CCDC192: variants seen among roughly 807,000 people sequenced by gnomAD.
The protein encoded by CCDC192 is coiled-coil domain containing 192.
At chr5:127,830,580 A>G (rs915047663) in intron 5 of CCDC192, among the ~76,000 whole-genome samples, 4 of 152,068 alleles carry the variant, frequency 2.6e-5, no homozygotes, top group Non-Finnish European at 5.9e-5. Flanking sequence ...CACTCTAAAG[A>G]TCTCATTTTA....
chr5:127,822,808 C>T (rs561615089), intron 5 of CCDC192, among the ~76,000 whole-genome samples: 10 of 152,294 alleles, frequency 6.6e-5, no homozygotes, highest in African/African-American at 2.4e-4. Flanking sequence ...AAATGGCCCT[C>T]AAGCGTGAAG....
chr5:127,755,176 G>A (rs977304466), intron 3 of CCDC192, among the ~76,000 whole-genome samples: 1 of 152,012 alleles, frequency 6.6e-6, no homozygotes, highest in Non-Finnish European at 1.5e-5. Context: ...TGTTAGAAAT[G>A]TTTATTAATT....
chr5:127,868,745 C>T (rs1351760762), intron 5 of CCDC192, among the ~76,000 whole-genome samples: 5 of 151,396 alleles, frequency 3.3e-5, no homozygotes, highest in African/African-American at 7.3e-5. Context: ...ATTTGCTGGG[C>T]GTGGCGGTGG....
intron 3 of CCDC192, chr5:127,786,743 A>G: frequency 2.8e-6 from 2 of 703,238 alleles, no homozygotes; most frequent in South Asian, 1.5e-5. Flanking sequence ...GCTTAAGAAG[A>G]CTTGTCAAGT....
At chr5:127,742,762 A>G (rs1429592464) in intron 2 of CCDC192, among the ~76,000 whole-genome samples, 2 of 152,216 alleles carry the variant, frequency 1.3e-5, no homozygotes, top group African/African-American at 4.8e-5. Flanking sequence ...CAAAGAAAGC[A>G]GAATGATTAT....
chr5:127,805,174 T>G (rs1393616503), intron 5 of CCDC192, among the ~76,000 whole-genome samples: 2 of 152,164 alleles, frequency 1.3e-5, no homozygotes, highest in Admixed American at 6.6e-5. Flanking sequence ...GTGACAGCAG[T>G]TAATCACACC....
intron 2 of CCDC192, among the ~76,000 whole-genome samples, chr5:127,738,574 G>C (rs1204530499): frequency 6.9e-6 from 1 of 145,744 alleles, no homozygotes; most frequent in Non-Finnish European, 1.5e-5. Flanking sequence ...ACACCAATCA[G>C]ACGTAGATTT....
intron 6 of CCDC192, among the ~76,000 whole-genome samples, chr5:127,913,188 T>C (rs1012664145): frequency 2.6e-5 from 4 of 152,184 alleles, no homozygotes; most frequent in Non-Finnish European, 5.9e-5. Flanking sequence ...TTATGATGCC[T>C]AGTCTACAGA....
chr5:127,896,051 A>G (rs558858051), intron 6 of CCDC192, among the ~76,000 whole-genome samples: 29 of 152,210 alleles, frequency 1.9e-4, no homozygotes, highest in Non-Finnish European at 3.7e-4. Flanking sequence ...CTTTTTGAAG[A>G]GATTCTGAAT....
chr5:127,926,367 A>C (rs1420107951), intron 6 of CCDC192, among the ~76,000 whole-genome samples: 1 of 152,178 alleles, frequency 6.6e-6, no homozygotes. Context: ...TATGGCTATT[A>C]TGTCTCCTAA....
chr5:127,864,090 T>C (rs972062981), intron 5 of CCDC192, among the ~76,000 whole-genome samples: 1 of 152,188 alleles, frequency 6.6e-6, no homozygotes, highest in Non-Finnish European at 1.5e-5. Flanking sequence ...TTTCAGGTCA[T>C]TGTCGCTCCC....
In CCDC192 at chr5:127,752,796, T is replaced by C. The variant is rs573882340; in HGVS notation, c.115-1472T>C. 1.3e-5 allele frequency among the ~76,000 whole-genome samples: 2 copies of C among 152,316 alleles called. 1 individual carries two copies. The highest frequency in any genetic ancestry group is 4.8e-5 in the African/African-American group (2 of 41,574). ...TGGGCGTAGGACCCTCTGAGCCAGG[T>C]GCGAGATATAATCTCGTGGTGCGCC... On this transcript the variant is annotated intron_variant, in intron 2 of 6. Transcript: ENST00000514853.
chr5:127,877,314 T>C (rs1263574710), intron 6 of CCDC192, among the ~76,000 whole-genome samples: 1 of 151,300 alleles, frequency 6.6e-6, no homozygotes, highest in Non-Finnish European at 1.5e-5. Context: ...AAACATTAAA[T>C]CTTACCCTTT....
Position 127,907,055 on chromosome 5 carries a change from G to T in CCDC192, c.535+31394G>T, listed in dbSNP as rs1013455009. On this transcript the variant is annotated intron_variant, in intron 6 of 6. Coordinates refer to ENST00000514853, the MANE Select transcript of CCDC192 (RefSeq NM_001317938.2). The stretch of plus-strand genomic sequence containing the variant: ...TTTGTTTGGTTGGGTTTTTTTTCAC[G>T]ATAGCCATCCTAACAGGTGTGAAGT... Among the ~76,000 whole-genome samples the T allele has an allele frequency of 5.3e-5, 8 of 151,538 alleles. No individual in the cohort carries two copies. In the South Asian group the frequency reaches 1.7e-3, roughly 32 times the overall value.
At chr5:127,784,762 G>A (rs1361819984) in intron 3 of CCDC192, 6 of 506,412 alleles carry the variant, frequency 1.2e-5, no homozygotes, top group South Asian at 9.8e-5. Context: ...CTAACTGCTG[G>A]TGTTTCAAAA....
intron 5 of CCDC192, among the ~76,000 whole-genome samples, chr5:127,854,117 T>C (rs1235306511): frequency 6.6e-6 from 1 of 152,200 alleles, no homozygotes; most frequent in Non-Finnish European, 1.5e-5. Flanking sequence ...AACACTCTCT[T>C]GATTCCTTCC....
At chr5:127,768,772 T>C (rs1352410420) in intron 3 of CCDC192, among the ~76,000 whole-genome samples, 1 of 152,248 alleles carries the variant, frequency 6.6e-6, no homozygotes, top group Admixed American at 6.5e-5. Context: ...AAGATTTTGT[T>C]GTTTGTTTAA....
chr5:127,841,355 A>G (rs1750277204), intron 5 of CCDC192, among the ~76,000 whole-genome samples: 1 of 152,196 alleles, frequency 6.6e-6, no homozygotes, highest in Admixed American at 6.5e-5. Flanking sequence ...CTCAGGGGAA[A>G]GATTCATCAA....
intron 5 of CCDC192, among the ~76,000 whole-genome samples, chr5:127,866,072 T>A (rs1751598537): frequency 6.6e-6 from 1 of 152,126 alleles, no homozygotes; most frequent in Admixed American, 6.5e-5. Context: ...GAACGCTATC[T>A]GCGGTTCTAG....
Sources: gnomAD v4.1 joint callset for allele counts (sites outside exome capture counted in the v4.1 genomes callset) on GRCh38, gnomAD v4.1.1 for gene constraint, MANE v1.5 for transcripts, NCBI Gene and HGNC (gene_info 2026-07-23, HGNC 2026-07-21) for gene names.